Variants in ZNF143 observed in about 807,000 individuals in gnomAD.
ZNF143 encodes SPH-binding factor.
ZNF143 carries 49 observed loss-of-function variants against 74.1 expected under a neutral mutation model. That is an observed-to-expected ratio of 0.66 (90% CI 0.53 to 0.84). The LOEUF (loss-of-function observed/expected upper bound fraction) is 0.84, where lower values mean the gene tolerates loss of function less well. Among genes scored for constraint, ZNF143 ranks in the 40% least tolerant of loss-of-function variants. The pLI is 0.00. For missense variants in ZNF143, 637 were observed against 793.4 expected (o/e 0.80, Z 2.37); for synonymous variants, 304 against 282.8 (o/e 1.07, Z -0.75).
Position 9,493,990 on chromosome 11 carries a change from A to G in ZNF143, c.646-656A>G, listed in dbSNP as rs375879816. Among the ~76,000 whole-genome samples the G allele has an allele frequency of 2.3e-4, 35 of 152,264 alleles. 1 individual carries two copies. The highest frequency in any genetic ancestry group is 8.4e-4 in the African/African-American group (35 of 41,550). On this transcript the variant is annotated intron_variant, in intron 7 of 15. Transcript: ENST00000396602. ...ACACTTTTGACATTGTTTTTGGGAC[A>G]CAGGTTCTAAAAAAAGGCAGGTAGA...
At chr11:9,474,527 T>C (rs1856770040) in intron 4 of ZNF143, 23 bp from the exon 5 acceptor site, 1 of 1,613,408 alleles carries the variant, frequency 6.2e-7, no homozygotes, top group Non-Finnish European at 8.5e-7. Context: ...ACATGAGATC[T>C]AAATGTAAGC....
At chr11:9,525,441 A>G (rs1160766801) in intron 15 of ZNF143, 55 bp downstream of exon 15, 1 of 1,606,684 alleles carries the variant, frequency 6.2e-7, no homozygotes, top group South Asian at 1.1e-5. Flanking sequence ...CATAGCTTTC[A>G]ACTTTGTACA....
chr11:9,486,429 T>TAA (rs1554964464), intron 7 of ZNF143, among the ~76,000 whole-genome samples: 29 of 45,200 alleles, frequency 6.4e-4, no homozygotes, highest in African/African-American at 2.0e-3. Context: ...ATTATATATA[T>TAA]TATATATATA....
At chr11:9,477,255 CCTTTTCTTT>C (rs920792124) in intron 5 of ZNF143, among the ~76,000 whole-genome samples, 3 of 143,020 alleles carry the variant, frequency 2.1e-5, no homozygotes, top group African/African-American at 7.7e-5. Flanking sequence ...TCCCTTCCTT[CCTTTTCTTT>C]CTTTTCTTTT....
Position 9,484,494 on chromosome 11 carries a change from C to T in ZNF143, c.645+4948C>T, listed in dbSNP as rs191726341. Among the ~76,000 whole-genome samples, 124 of 151,324 alleles carry T rather than the reference C, an allele frequency of 8.2e-4. 7 individuals are homozygous for T. The highest frequency in any genetic ancestry group is 2.9e-3 in the African/African-American group (117 of 40,770). Reference sequence around the variant, plus strand: ...CCTCCCAAAGTGCTGGGATTTCAGGCGTGAGTCACCGTGCCCAGCCTGAAC... The same window carrying T: ...CCTCCCAAAGTGCTGGGATTTCAGGTGTGAGTCACCGTGCCCAGCCTGAAC... On this transcript the variant is annotated intron_variant, in intron 7 of 15. Coordinates refer to ENST00000396602, the MANE Select transcript of ZNF143 (RefSeq NM_003442.6).
At chr11:9,461,527 G>A (rs1855842673) in intron 1 of ZNF143, 1 of 152,192 alleles carries the variant, frequency 6.6e-6, no homozygotes, top group African/African-American at 2.4e-5. Context: ...GGCCGCAGCG[G>A]GGGCGCCGGG....
chr11:9,503,287 A>G (rs1310435936), intron 11 of ZNF143, among the ~76,000 whole-genome samples: 1 of 152,240 alleles, frequency 6.6e-6, no homozygotes, highest in Non-Finnish European at 1.5e-5. Context: ...TAGATTACAT[A>G]TGTCATATGT....
chr11:9,524,886 A>G lies in ZNF143; in HGVS notation c.1687-354A>G, dbSNP rs970153369. Among the ~76,000 whole-genome samples the G allele has an allele frequency of 2.0e-5, 3 of 152,346 alleles. No homozygotes were observed. The East Asian group carries it at 5.8e-4, about 29-fold the overall frequency. On this transcript the variant is annotated intron_variant, in intron 14 of 15. Coordinates refer to ENST00000396602, the MANE Select transcript of ZNF143 (RefSeq NM_003442.6). The stretch of plus-strand genomic sequence containing the variant: ...CTCCTATGAGCCAATCTCAGGAAAA[A>G]AAAATGGACATTTGAGGTGCAAATT...
chr11:9,502,689 G>A (rs1339327521), intron 11 of ZNF143, among the ~76,000 whole-genome samples: 1 of 151,486 alleles, frequency 6.6e-6, no homozygotes, highest in Admixed American at 6.6e-5. Flanking sequence ...TTCAATTTTA[G>A]AATATTTTCA....
chr11:9,486,879 A>G (rs1363416168), intron 7 of ZNF143, among the ~76,000 whole-genome samples: 1 of 149,156 alleles, frequency 6.7e-6, no homozygotes, highest in African/African-American at 2.5e-5. Context: ...TGTGTTAGCC[A>G]GGATGGTCTT....
intron 7 of ZNF143, among the ~76,000 whole-genome samples, chr11:9,492,147 G>T (rs766958811): frequency 8.3e-6 from 1 of 120,962 alleles, no homozygotes; most frequent in Admixed American, 1.1e-4. Flanking sequence ...GTCTTGCTCT[G>T]TTTCCCAGGC....
At chr11:9,510,599 C>T (rs1848506577) in intron 12 of ZNF143, among the ~76,000 whole-genome samples, 1 of 151,946 alleles carries the variant, frequency 6.6e-6, no homozygotes, top group South Asian at 2.1e-4. Context: ...AGCTGTGGAA[C>T]AGAACAAAAA....
intron 13 of ZNF143, among the ~76,000 whole-genome samples, chr11:9,515,220 A>T (rs1001116655): frequency 1.3e-5 from 2 of 152,194 alleles, no homozygotes; most frequent in African/African-American, 4.8e-5. Context: ...TTTTAGAAAG[A>T]TGTCAACATA....
intron 5 of ZNF143, 148 bp downstream of exon 5, chr11:9,474,781 T>A: frequency 1.2e-6 from 1 of 865,202 alleles, no homozygotes; most frequent in Non-Finnish European, 1.8e-6. Flanking sequence ...AAGCATGATT[T>A]AAGGAAAAAT....
At chr11:9,502,241 C>CTTTT (rs1183629630) in intron 11 of ZNF143, among the ~76,000 whole-genome samples, 69 of 56,964 alleles carry the variant, frequency 1.2e-3, no homozygotes, top group Admixed American at 1.5e-3. Flanking sequence ...TGGCCATATT[C>CTTTT]TTTTTTTTTT....
intron 7 of ZNF143, among the ~76,000 whole-genome samples, chr11:9,482,554 G>A (rs1384293153): frequency 6.6e-6 from 1 of 151,656 alleles, no homozygotes; most frequent in Non-Finnish European, 1.5e-5. Context: ...ATAGGCGTGA[G>A]CCAGCGCACC....
intron 1 of ZNF143, chr11:9,471,055 T>C (rs1338880948): frequency 9.7e-6 from 2 of 207,058 alleles, no homozygotes; most frequent in East Asian, 2.1e-4. Context: ...TGGGCACAAT[T>C]CGTCAGTGTA....
At chr11:9,474,768 T>C in intron 5 of ZNF143, 135 bp downstream of exon 5, 3 of 965,036 alleles carry the variant, frequency 3.1e-6, no homozygotes, top group Non-Finnish European at 4.6e-6. Context: ...AGGTGGCAGA[T>C]TTAAGCATGA....
At chr11:9,518,417 A>G (rs566571512) in intron 14 of ZNF143, among the ~76,000 whole-genome samples, 1 of 152,352 alleles carries the variant, frequency 6.6e-6, no homozygotes, top group East Asian at 1.9e-4. Flanking sequence ...ATCATTAGTC[A>G]TTAAGAAAAT....
Sources: gnomAD v4.1 joint callset for allele counts (sites outside exome capture counted in the v4.1 genomes callset) on GRCh38, gnomAD v4.1.1 for gene constraint, MANE v1.5 for transcripts, NCBI Gene and HGNC (gene_info 2026-07-23, HGNC 2026-07-21) for gene names.